Variants in MEGF10 observed in about 807,000 individuals in gnomAD.
The protein encoded by MEGF10 is multiple epidermal growth factor-like domains protein 10.
Under a neutral mutation model 147.5 loss-of-function variants are expected in MEGF10, and 86 were observed. The ratio of observed to expected loss-of-function variants is 0.58; its 90% confidence interval spans 0.49 to 0.70. The LOEUF is 0.70. MEGF10 is among the 30% of genes least tolerant of loss of function. MEGF10 has a pLI of 0.00. For missense variants in MEGF10, 1,329 were observed against 1,487.3 expected (o/e 0.89, Z 1.75); for synonymous variants, 478 against 525.5 (o/e 0.91, Z 1.24).
the MEGF10 span, among the ~76,000 whole-genome samples, chr5:127,259,926 G>A: frequency 6.6e-5 from 10 of 152,156 alleles, no homozygotes; most frequent in Non-Finnish European, 1.5e-4. Context: ...GGAGACTGAG[G>A]TGGGCAGATC....
At chr5:127,360,174 C>T (rs1439661844) in intron 4 of MEGF10, among the ~76,000 whole-genome samples, 1 of 152,054 alleles carries the variant, frequency 6.6e-6, no homozygotes, top group African/African-American at 2.4e-5. Context: ...TTTACTTTCT[C>T]TCAACAATGT....
rs901609707 is a variant in MEGF10 at position 127,346,108 on chromosome 5, T to C, written c.319+5478T>C. On this transcript the variant is annotated intron_variant, in intron 4 of 24. Coordinates refer to ENST00000503335, the MANE Select transcript of MEGF10 (RefSeq NM_001256545.2). ...TTGTCACATTTTCTTTACTTGTTGA[T>C]TGATGGGCATTTCGGCTTGTTCCTT... is the stretch of plus-strand genomic sequence containing the variant. 2.6e-5 allele frequency among the ~76,000 whole-genome samples: 4 copies of C among 152,334 alleles called. No homozygotes were observed. The East Asian group carries it at 7.7e-4, about 29-fold the overall frequency.
chr5:127,247,561 T>G, the MEGF10 span, among the ~76,000 whole-genome samples: 3 of 151,998 alleles, frequency 2.0e-5, no homozygotes, highest in African/African-American at 7.2e-5. Context: ...TGCAACTTTA[T>G]TTACAGGCCA....
chr5:127,359,342 T>C (rs528854012), intron 4 of MEGF10, among the ~76,000 whole-genome samples: 2 of 150,534 alleles, frequency 1.3e-5, no homozygotes, highest in African/African-American at 2.5e-5. Context: ...CTCCTCTTAC[T>C]CTAGGGTTTT....
intron 1 of MEGF10, among the ~76,000 whole-genome samples, chr5:127,311,436 G>A (rs543447709): frequency 5.3e-5 from 8 of 152,256 alleles, no homozygotes; most frequent in African/African-American, 1.7e-4. Context: ...CACAGCTGTG[G>A]ACTTCTGAGC....
intron 16 of MEGF10, 26 bp from the exon 17 acceptor site, chr5:127,438,412 TG>T (rs747515124): frequency 1.2e-6 from 2 of 1,611,756 alleles, no homozygotes; most frequent in South Asian, 2.2e-5. Flanking sequence ...AGAACTCTGA[TG>T]GACTTCTCCA....
the MEGF10 span, among the ~76,000 whole-genome samples, chr5:127,242,661 A>AT: frequency 1.6e-4 from 24 of 151,380 alleles, 1 homozygote; most frequent in South Asian, 1.5e-3. Context: ...ACTGTTTTTT[A>AT]TTTTTTTTTA....
At position 127,443,019 on chromosome 5, in the gene MEGF10, G is replaced by A; in HGVS notation, c.2384G>A (p.Gly795Asp). The A allele has an allele frequency of 5.0e-6, 8 of 1,613,342 alleles. No homozygotes were observed. Among genetic ancestry groups the A allele is most frequent in the Non-Finnish European group, 6.8e-6 (8 of 1,179,504 alleles). The change falls in exon 19 of 25, where the codon GGC becomes GAC. Residue 795 changes from glycine (G) to aspartate (D), a missense_variant. Gly to Asp is a moderately conservative substitution (Grantham distance 94). This residue lies in a region of MEGF10 where 980 missense variants were observed against 1,085.9 expected (regional missense o/e 0.90). Coordinates refer to ENST00000503335, the MANE Select transcript of MEGF10 (RefSeq NM_001256545.2). ...CEQKCPSGTY[G>D]YGCRQICDCL... is the part of the protein sequence containing the mutation. ...CTAGAGTGCCCTTCAGGAACATATG[G>A]CTATGGCTGTCGCCAGATATGTGAT...
intron 4 of MEGF10, among the ~76,000 whole-genome samples, chr5:127,347,290 T>A (rs769840016): frequency 2.0e-5 from 3 of 152,102 alleles, no homozygotes; most frequent in Non-Finnish European, 4.4e-5. Context: ...TGTATGTTTT[T>A]TAATGTCACA....
At chr5:127,362,750 ATC>A (rs772930147) in intron 4 of MEGF10, among the ~76,000 whole-genome samples, 1 of 152,146 alleles carries the variant, frequency 6.6e-6, no homozygotes, top group Non-Finnish European at 1.5e-5. Context: ...ATCTGTTAAT[ATC>A]TGTCTTTTAA....
intron 5 of MEGF10, among the ~76,000 whole-genome samples, chr5:127,377,794 G>C (rs975490778): frequency 6.6e-5 from 10 of 152,184 alleles, no homozygotes; most frequent in African/African-American, 2.4e-4. Flanking sequence ...GAGAGTAGAC[G>C]CTGGGAGCCC....
At chr5:127,335,485 G>A (rs1259315943) in intron 2 of MEGF10, among the ~76,000 whole-genome samples, 1 of 152,144 alleles carries the variant, frequency 6.6e-6, no homozygotes, top group Non-Finnish European at 1.5e-5. Flanking sequence ...GAGGAGGCAG[G>A]CCCATTCTTG....
chr5:127,259,691 G>A, the MEGF10 span, among the ~76,000 whole-genome samples: 12 of 152,146 alleles, frequency 7.9e-5, no homozygotes, highest in African/African-American at 2.9e-4. Flanking sequence ...TTTGGATGAT[G>A]TCTTGTGCCA....
upstream of MEGF10, among the ~76,000 whole-genome samples, chr5:127,289,698 C>G (rs367687693): frequency 7.2e-5 from 11 of 152,312 alleles, 1 homozygote; most frequent in Admixed American, 4.6e-4. Flanking sequence ...TTCATTTATT[C>G]ACTCAAACAT....
chr5:127,232,061 G>T, the MEGF10 span, among the ~76,000 whole-genome samples: 2 of 152,188 alleles, frequency 1.3e-5, no homozygotes, highest in Non-Finnish European at 2.9e-5. Context: ...AAGTAAGCCC[G>T]GGAAGAGAAA....
chr5:127,266,416 T>G, the MEGF10 span, among the ~76,000 whole-genome samples: 1 of 152,188 alleles, frequency 6.6e-6, no homozygotes. Flanking sequence ...TCTTTTTTGG[T>G]TCCATATGAA....
At chr5:127,415,521 A>T (rs1477742775) in intron 9 of MEGF10, among the ~76,000 whole-genome samples, 1 of 152,308 alleles carries the variant, frequency 6.6e-6, no homozygotes, top group South Asian at 2.1e-4. Flanking sequence ...GAATGAGGAC[A>T]GTAAAGATAA....
At chr5:127,248,766 G>C in the MEGF10 span, among the ~76,000 whole-genome samples, 2 of 151,628 alleles carry the variant, frequency 1.3e-5, no homozygotes, top group Admixed American at 1.3e-4. Context: ...AGAAGAAAAG[G>C]GAAAGGAGAA....
At chr5:127,247,326 G>GA in the MEGF10 span, among the ~76,000 whole-genome samples, 1 of 2,636 alleles carries the variant, frequency 3.8e-4, no homozygotes, top group Non-Finnish European at 8.6e-4. Context: ...GAGAGAAGAA[G>GA]AAGAAGAAGA....
Sources: gnomAD v4.1 joint callset for allele counts (sites outside exome capture counted in the v4.1 genomes callset) on GRCh38, gnomAD v4.1.1 for gene constraint, gnomAD v4.1.1 regional missense constraint, MANE v1.5 for transcripts, NCBI Gene and HGNC (gene_info 2026-07-23, HGNC 2026-07-21) for gene names.